SEC22B: variants seen among roughly 807,000 people sequenced by gnomAD.
The protein encoded by SEC22B is vesicle-trafficking protein SEC22b.
A neutral mutation model predicts 31.4 loss-of-function variants in SEC22B; 10 were observed. That is an observed-to-expected ratio of 0.32 (90% CI 0.20 to 0.54). The LOEUF (loss-of-function observed/expected upper bound fraction) is 0.54, where lower values mean the gene tolerates loss of function less well. Among genes scored for constraint, SEC22B ranks in the 20% least tolerant of loss-of-function variants. The pLI, the probability that SEC22B is intolerant of heterozygous loss-of-function variation, is 0.94. For synonymous variants in SEC22B, 60 were observed against 95.9 expected (o/e 0.63, Z 2.19); for missense variants, 130 against 263.4 (o/e 0.49, Z 3.50).
rs1557896042 is a variant in SEC22B, at chr1:120,176,413, C to T, written c.-32G>A. Reference sequence around the variant, plus strand: ...AAACTACAGGGATCCAACACTGGCCCGGAAGGCCCTTGGCGCCGTCCTCAC... The same window carrying T: ...AAACTACAGGGATCCAACACTGGCCTGGAAGGCCCTTGGCGCCGTCCTCAC... On this transcript the variant is annotated 5_prime_UTR_variant, in exon 1 of 5. Transcript: ENST00000578049. 4.4e-6 allele frequency: 7 copies of T among 1,603,528 alleles called. No homozygotes were observed. In the Admixed American group the frequency reaches 1.0e-4, roughly 23 times the overall value.
At chr1:120,174,389 G>C (rs1411341664) in intron 1 of SEC22B, among the ~76,000 whole-genome samples, 2 of 152,010 alleles carry the variant, frequency 1.3e-5, no homozygotes, top group African/African-American at 2.4e-5. Flanking sequence ...TAAAAGTTTA[G>C]GCAAACTTTA....
Position 120,151,897 on chromosome 1 carries a change from C to G in SEC22B, c.*5141G>C, listed in dbSNP as rs1183380189. ...AGGTGAAAGAAGAAAGCAGAGGAGT[C>G]TAATGCAATGCGTGACTTGTAGCTC... On this transcript the variant is annotated 3_prime_UTR_variant, in exon 5 of 5. Transcript: ENST00000578049. The G allele has an allele frequency of 6.6e-6, 1 of 151,876 alleles. No homozygotes were observed. The highest frequency in any genetic ancestry group is 1.5e-5 in the Non-Finnish European group (1 of 67,996). The allele number at this position is 151,876 out of a possible 1,614,324, so 9.4% of individuals were successfully genotyped here.
At chr1:120,166,993 C>T (rs1333815477) in intron 2 of SEC22B, among the ~76,000 whole-genome samples, 2 of 140,826 alleles carry the variant, frequency 1.4e-5, no homozygotes, top group Non-Finnish European at 3.0e-5. Context: ...TATATACTCC[C>T]ATCCTTGCCC....
At chr1:120,162,641 T>A (rs1214064320) in intron 3 of SEC22B, among the ~76,000 whole-genome samples, 1 of 152,160 alleles carries the variant, frequency 6.6e-6, no homozygotes, top group East Asian at 1.9e-4. Context: ...TAATTAGTCT[T>A]TCTATAATTC....
chr1:120,160,897 CAAA>C (rs1358538530), intron 3 of SEC22B, among the ~76,000 whole-genome samples: 11 of 137,956 alleles, frequency 8.0e-5, no homozygotes, highest in South Asian at 2.3e-4. Flanking sequence ...GTCTCAAAAA[CAAA>C]AAAAAAAAAA....
rs1391539158 is a variant in SEC22B at position 120,170,092 on chromosome 1, G to A, written c.76-1143C>T. Among the ~76,000 whole-genome samples, 48 of 142,516 alleles carry A rather than the reference G, an allele frequency of 3.4e-4. 1 individual carries two copies. In the South Asian group the frequency reaches 0.011, roughly 31 times the overall value. The allele number at this position is 142,516 out of a possible 152,430, so 93.5% of individuals were successfully genotyped here. A position where few individuals can be genotyped will look rare whatever the true frequency, so the allele number is the denominator to read the frequency against. On this transcript the variant is annotated intron_variant, in intron 1 of 4. Coordinates refer to ENST00000578049, the MANE Select transcript of SEC22B (RefSeq NM_004892.6). The stretch of plus-strand genomic sequence containing the variant: ...TAGGCCCTCAATAGTCACCAAATCT[G>A]CTGGTGCTTGATCTTCACCTTGCAG...
At chr1:120,171,058 G>C (rs2101132348) in intron 1 of SEC22B, among the ~76,000 whole-genome samples, 2 of 129,676 alleles carry the variant, frequency 1.5e-5, no homozygotes, top group East Asian at 4.2e-4. Context: ...AACATAGATC[G>C]GTGATTTTCA....
intron 1 of SEC22B, among the ~76,000 whole-genome samples, chr1:120,174,349 T>C (rs1343114032): frequency 6.6e-6 from 1 of 152,298 alleles, no homozygotes; most frequent in Non-Finnish European, 1.5e-5. Context: ...ATAGTAAAAG[T>C]AAGCCTAAGA....
Position 120,176,399 on chromosome 1 carries a change from A to C in SEC22B, c.-18T>G, listed in dbSNP as rs1657965816. 22 of 1,612,560 alleles carry C rather than the reference A, an allele frequency of 1.4e-5. 2 individuals carry two copies. In the South Asian group the frequency reaches 1.9e-4, roughly 14 times the overall value. On this transcript the variant is annotated 5_prime_UTR_variant, in exon 1 of 5. Coordinates refer to ENST00000578049, the MANE Select transcript of SEC22B (RefSeq NM_004892.6). ...AACACCATCTTCACAAACTACAGGG[A>C]TCCAACACTGGCCCGGAAGGCCCTT...
Position 120,163,300 on chromosome 1 carries a change from C to T in SEC22B, c.256G>A (p.Ala86Thr), listed in dbSNP as rs1657749095. ...TCTGAGTGCAAATCTTCTAGGTAGG[C>T]AAAAGCCAACTTCTTAGGGAAGGCA... ...EAAFPKKLAF[A>T]YLEDLHSEFD... Residue 86 changes from alanine to threonine, a missense_variant, in exon 3 of 5, where the codon GCC becomes ACC. Around this residue, in one of 4 missense-constraint regions of SEC22B, gnomAD observed 41 missense variants for 124.9 expected, o/e 0.33. Coordinates refer to ENST00000578049, the MANE Select transcript of SEC22B (RefSeq NM_004892.6). The T allele has an allele frequency of 1.9e-6, 3 of 1,606,402 alleles. No homozygotes were observed. The highest frequency in any genetic ancestry group is 2.6e-6 in the Non-Finnish European group (3 of 1,175,168).
Position 120,151,592 on chromosome 1 carries a change from G to A in SEC22B, c.*5446C>T, listed in dbSNP as rs1657540477. 2 of 151,592 alleles carry A rather than the reference G, an allele frequency of 1.3e-5. No homozygotes were observed. The highest frequency in any genetic ancestry group is 4.2e-4 in the South Asian group (2 of 4,728). 9.4% of individuals were successfully genotyped at this position (151,592 alleles called of 1,614,324 possible). A position where few individuals can be genotyped will look rare whatever the true frequency, so the allele number is the denominator to read the frequency against. On this transcript the variant is annotated 3_prime_UTR_variant, in exon 5 of 5. Coordinates refer to ENST00000578049, the MANE Select transcript of SEC22B (RefSeq NM_004892.6). ...GAGGCAGGAGAATCACTTGAACCCG[G>A]GAGGTGGAGGTTGCAGTGAGCTGAG...
In SEC22B at chr1:120,176,400, T is replaced by G; in HGVS notation, c.-19A>C. ...ACACCATCTTCACAAACTACAGGGA[T>G]CCAACACTGGCCCGGAAGGCCCTTG... On this transcript the variant is annotated 5_prime_UTR_variant, in exon 1 of 5. Coordinates refer to ENST00000578049, the MANE Select transcript of SEC22B (RefSeq NM_004892.6). 1 of 1,612,520 alleles carries G rather than the reference T, an allele frequency of 6.2e-7. No individual in the cohort carries two copies. The highest frequency in any genetic ancestry group is 1.1e-5 in the South Asian group (1 of 90,944).
At chr1:120,166,396 T>TACACACACACACACAC (rs1268229455) in intron 2 of SEC22B, among the ~76,000 whole-genome samples, 3 of 143,668 alleles carry the variant, frequency 2.1e-5, no homozygotes, top group South Asian at 2.3e-4. Context: ...AAGTGTTTTT[T>TACACACACACACACAC]ACACACACAC....
In SEC22B at chr1:120,156,246, A is replaced by G. The variant is rs1223347818; in HGVS notation, c.*792T>C. 2 of 152,254 alleles carry G rather than the reference A, an allele frequency of 1.3e-5. No individual in the cohort carries two copies. Among genetic ancestry groups the G allele is most frequent in the Non-Finnish European group, 2.9e-5 (2 of 68,016 alleles). The allele number at this position is 152,254 out of a possible 1,614,324, so 9.4% of individuals were successfully genotyped here. A position where few individuals can be genotyped will look rare whatever the true frequency, so the allele number is the denominator to read the frequency against. On this transcript the variant is annotated 3_prime_UTR_variant, in exon 5 of 5. Transcript: ENST00000578049. ...GAAGCCAGGGGCCTCTCCATATCCT[A>G]TACTTGCTCTTACGCTAATAACAAA...
chr1:120,166,420 C>CACACACACACAT (rs1553229705), intron 2 of SEC22B, among the ~76,000 whole-genome samples: 15 of 149,770 alleles, frequency 1.0e-4, no homozygotes, highest in East Asian at 3.9e-4. Flanking sequence ...CACACACACA[C>CACACACACACAT]ACACACACAC....
At position 120,176,498 on chromosome 1, in the gene SEC22B, G is replaced by C. The variant is rs1553230238; in HGVS notation, c.-117C>G. ...TCAGTTACCGGAGATCCAGCTGCTT[G>C]CGTCTCCGCTTCCCGCTGAGGTGGC... On this transcript the variant is annotated 5_prime_UTR_variant, in exon 1 of 5. Coordinates refer to ENST00000578049, the MANE Select transcript of SEC22B (RefSeq NM_004892.6). The C allele has an allele frequency of 2.1e-5, 19 of 901,256 alleles. No homozygotes were observed. The Admixed American group carries it at 3.1e-4, about 15-fold the overall frequency. The allele number at this position is 901,256 out of a possible 1,614,324, so 55.8% of individuals were successfully genotyped here.
At chr1:120,160,799 G>A (rs1447870810) in intron 3 of SEC22B, among the ~76,000 whole-genome samples, 1 of 151,682 alleles carries the variant, frequency 6.6e-6, no homozygotes, top group Non-Finnish European at 1.5e-5. Context: ...TGAGCCAGGA[G>A]AATCACTTGA....
intron 2 of SEC22B, among the ~76,000 whole-genome samples, chr1:120,167,037 CA>C (rs1657824108): frequency 6.7e-6 from 1 of 148,434 alleles, no homozygotes; most frequent in East Asian, 1.9e-4. Flanking sequence ...CCTAGGGCTC[CA>C]TAAAGGATAA....
At chr1:120,159,924 G>A (rs1362037432) in intron 4 of SEC22B, among the ~76,000 whole-genome samples, 3 of 149,112 alleles carry the variant, frequency 2.0e-5, no homozygotes, top group East Asian at 1.9e-4. Flanking sequence ...GCTGACTGAC[G>A]GAAAAATAAG....
Sources: gnomAD v4.1 joint callset for allele counts (sites outside exome capture counted in the v4.1 genomes callset) on GRCh38, gnomAD v4.1.1 for gene constraint, gnomAD v4.1.1 regional missense constraint, MANE v1.5 for transcripts, NCBI Gene and HGNC (gene_info 2026-07-23, HGNC 2026-07-21) for gene names.